UTRN: variants seen among roughly 807,000 people sequenced by gnomAD.
The protein encoded by UTRN is dystrophin-related protein 1.
Under a neutral mutation model 463.9 loss-of-function variants are expected in UTRN, and 283 were observed. The ratio of observed to expected loss-of-function variants is 0.61; its 90% CI spans 0.55 to 0.67. UTRN has a LOEUF of 0.67. UTRN is among the 30% of genes least tolerant of loss of function. The pLI is 0.00. For synonymous variants in UTRN, 1,442 were observed against 1,431.5 expected, an observed-to-expected ratio of 1.01 and a Z score of -0.17; for missense variants, 3,922 against 4,084.3, an observed-to-expected ratio of 0.96 and a Z score of 1.08.
chr6:144,454,335 A>G (rs1419531229), intron 19 of UTRN, among the ~76,000 whole-genome samples: 4 of 152,180 alleles, frequency 2.6e-5, no homozygotes, highest in African/African-American at 9.7e-5. Flanking sequence ...TAAGTTTGAT[A>G]AGGTGTTACT....
At chr6:144,330,341 A>G (rs1776249636) in intron 2 of UTRN, among the ~76,000 whole-genome samples, 1 of 152,148 alleles carries the variant, frequency 6.6e-6, no homozygotes, top group Admixed American at 6.5e-5. Context: ...TTGAAGGGGC[A>G]TGGTTTACCT....
chr6:144,727,487 G>T (rs1165473267), intron 53 of UTRN, among the ~76,000 whole-genome samples: 2 of 152,196 alleles, frequency 1.3e-5, no homozygotes, highest in African/African-American at 4.8e-5. Context: ...AGCCAGGCGT[G>T]GTGGCCCATG....
At position 144,479,953 on chromosome 6, in the gene UTRN, G is replaced by A. The variant is rs377176930; in HGVS notation, c.3478G>A (p.Glu1160Lys). The change falls in exon 26 of 75, where the codon GAG (glutamate) becomes AAG (lysine). Residue 1160 changes from glutamate (E) to lysine (K), a missense_variant. Transcript: ENST00000367545. ...GGATTTTGAGTACAAGTCACCAGAA[G>A]AGCTTGAGAGTGCTGTGGAAGAGAT... ...ERDFEYKSPE[E>K]LESAVEEMKR... is the part of the protein sequence containing the mutation. The A allele has an allele frequency of 4.5e-5, 73 of 1,614,086 alleles. No individual in the cohort carries two copies. The highest frequency in any genetic ancestry group is 1.8e-4 in the Admixed American group (11 of 60,006).
intron 34 of UTRN, among the ~76,000 whole-genome samples, chr6:144,503,491 A>G (rs942099382): frequency 6.6e-6 from 1 of 152,126 alleles, no homozygotes; most frequent in South Asian, 2.1e-4. Context: ...TCCCAACACC[A>G]TTTATTAAAT....
intron 50 of UTRN, among the ~76,000 whole-genome samples, chr6:144,575,204 C>T (rs1801319404): frequency 6.6e-6 from 1 of 151,990 alleles, no homozygotes; most frequent in Non-Finnish European, 1.5e-5. Context: ...AGGTTTAAAT[C>T]TTTTGCCCAT....
chr6:144,848,502 G>A (rs1782213294), intron 74 of UTRN, among the ~76,000 whole-genome samples: 1 of 152,174 alleles, frequency 6.6e-6, no homozygotes, highest in African/African-American at 2.4e-5. Flanking sequence ...CAGTGTGGGA[G>A]ACAGAAATAA....
intron 52 of UTRN, among the ~76,000 whole-genome samples, chr6:144,687,408 CT>C (rs1782881971): frequency 1.3e-5 from 2 of 151,866 alleles, no homozygotes; most frequent in Non-Finnish European, 2.9e-5. Context: ...AGTAGCTATT[CT>C]TACATTAGAT....
chr6:144,771,822 A>G (rs1301825693), intron 58 of UTRN, 85 bp from the exon 59 acceptor site: 20 of 1,105,374 alleles, frequency 1.8e-5, no homozygotes, highest in East Asian at 1.5e-4. Flanking sequence ...GAAAAAAATC[A>G]TTTCTACTTG....
chr6:144,610,062 G>A (rs1321517851), intron 51 of UTRN, among the ~76,000 whole-genome samples: 2 of 150,252 alleles, frequency 1.3e-5, no homozygotes, highest in East Asian at 3.9e-4. Context: ...TGACCAGAAG[G>A]AAGGAAAGAA....
chr6:144,430,066 A>G (rs1785658023), intron 9 of UTRN, among the ~76,000 whole-genome samples: 1 of 152,156 alleles, frequency 6.6e-6, no homozygotes, highest in Non-Finnish European at 1.5e-5. Context: ...GTCATGTGCT[A>G]AAGATGGTTT....
intron 52 of UTRN, 28 bp from the exon 53 acceptor site, chr6:144,700,059 T>G (rs1158486625): frequency 7.9e-7 from 1 of 1,263,666 alleles, no homozygotes; most frequent in Non-Finnish European, 1.0e-6. Context: ...TAAATGTGGT[T>G]ATTATTATTA....
chr6:144,836,208 A>C (rs554772310), intron 70 of UTRN, 93 bp from the exon 71 acceptor site: 2 of 1,570,584 alleles, frequency 1.3e-6, no homozygotes, highest in Non-Finnish European at 1.7e-6. Flanking sequence ...TATAAGAGGA[A>C]CTAGCATGAG....
intron 3 of UTRN, among the ~76,000 whole-genome samples, chr6:144,414,943 A>G (rs1288784623): frequency 6.6e-6 from 1 of 151,976 alleles, no homozygotes; most frequent in East Asian, 1.9e-4. Flanking sequence ...CCAACTCCCA[A>G]CCTCAGGTGA....
At chr6:144,770,254 C>T (rs1012673968) in intron 58 of UTRN, among the ~76,000 whole-genome samples, 1 of 152,162 alleles carries the variant, frequency 6.6e-6, no homozygotes, top group Non-Finnish European at 1.5e-5. Flanking sequence ...ACGTACCCAA[C>T]TGCAAATACA....
intron 47 of UTRN, among the ~76,000 whole-genome samples, chr6:144,549,103 A>G (rs1798675648): frequency 6.6e-6 from 1 of 152,252 alleles, no homozygotes; most frequent in South Asian, 2.1e-4. Flanking sequence ...TAAAACTGAT[A>G]CCGTAAAGCT....
intron 28 of UTRN, among the ~76,000 whole-genome samples, chr6:144,487,158 C>T (rs915903579): frequency 6.6e-6 from 1 of 151,762 alleles, no homozygotes; most frequent in Non-Finnish European, 1.5e-5. Flanking sequence ...TTATTTTTAA[C>T]TTTTTATTAT....
intron 2 of UTRN, among the ~76,000 whole-genome samples, chr6:144,311,001 G>T (rs1806220566): frequency 6.6e-6 from 1 of 152,300 alleles, no homozygotes; most frequent in African/African-American, 2.4e-5. Flanking sequence ...TGTCAGCGTG[G>T]TTGCCAACTG....
chr6:144,678,628 T>C (rs1307190781), intron 52 of UTRN, 50 bp downstream of exon 52: 2 of 1,456,930 alleles, frequency 1.4e-6, no homozygotes, highest in Non-Finnish European at 1.8e-6. Context: ...AAGGGGTAGA[T>C]ACTTGTGATT....
intron 74 of UTRN, among the ~76,000 whole-genome samples, chr6:144,848,327 C>T (rs1170092881): frequency 2.6e-5 from 4 of 152,144 alleles, no homozygotes; most frequent in African/African-American, 4.8e-5. Context: ...GGCATATTCA[C>T]GTTCATGAGC....
Sources: gnomAD v4.1 joint callset for allele counts (sites outside exome capture counted in the v4.1 genomes callset) on GRCh38, gnomAD v4.1.1 for gene constraint, MANE v1.5 for transcripts, NCBI Gene and HGNC (gene_info 2026-07-23, HGNC 2026-07-21) for gene names.